ROBO1: variants seen among roughly 807,000 people sequenced by gnomAD.
ROBO1 encodes the protein roundabout guidance receptor 1, also known as roundabout homolog 1.
ROBO1 carries 149 observed loss-of-function variants against 195.9 expected under a neutral mutation model. That is an observed-to-expected ratio of 0.76 (90% CI 0.67 to 0.87). The LOEUF is 0.87. Among genes scored for constraint, ROBO1 ranks in the 40% least tolerant of loss-of-function variants. The pLI is 0.00. For missense variants in ROBO1, 1,933 were observed against 2,068.3 expected (o/e 0.93, Z 1.27); for synonymous variants, 816 against 733.2 (o/e 1.11, Z -1.82).
At chr3:79,202,493 A>G (rs2081785063) in intron 2 of ROBO1, among the ~76,000 whole-genome samples, 1 of 152,050 alleles carries the variant, frequency 6.6e-6, no homozygotes, top group African/African-American at 2.4e-5. Context: ...GCGATCGTGA[A>G]CAAACTGCCC....
chr3:79,486,943 C>G (rs544939604), intron 2 of ROBO1, among the ~76,000 whole-genome samples: 8 of 152,278 alleles, frequency 5.3e-5, no homozygotes, highest in African/African-American at 1.9e-4. Flanking sequence ...GGAGACAGTA[C>G]CTGAGGGATC....
chr3:78,786,588 A>C (rs4681011), intron 4 of ROBO1, among the ~76,000 whole-genome samples: 93,517 of 151,854 alleles, frequency 0.62, 29,512 homozygotes, highest in South Asian at 0.77. Flanking sequence ...GTAGGAGGTA[A>C]TTACATCATG....
chr3:79,526,418 G>A (rs973120016), intron 2 of ROBO1: 2 of 152,170 alleles, frequency 1.3e-5, no homozygotes, highest in East Asian at 1.9e-4. Flanking sequence ...CCTGAATTGA[G>A]TGCAATTATT....
chr3:79,173,940 A>AT (rs534464099), intron 2 of ROBO1, among the ~76,000 whole-genome samples: 17 of 152,222 alleles, frequency 1.1e-4, no homozygotes, highest in African/African-American at 4.1e-4. Context: ...GACACTCTGT[A>AT]TCTAGCTACT....
chr3:78,931,236 C>CTTTTTTTTTTTTTTTTTTT (rs71127369), intron 4 of ROBO1, among the ~76,000 whole-genome samples: 40 of 79,220 alleles, frequency 5.0e-4, no homozygotes, highest in South Asian at 1.2e-3. Context: ...TTCTTTCTTT[C>CTTTTTTTTTTTTTTTTTTT]TTTTTTTTTT....
intron 4 of ROBO1, chr3:78,938,008 T>TGA (rs113158638): frequency 0.042 from 6,375 of 152,112 alleles, 252 homozygotes; most frequent in African/African-American, 0.11. Flanking sequence ...TGTGTGTGTG[T>TGA]GTGTGTGTGT....
intron 2 of ROBO1, among the ~76,000 whole-genome samples, chr3:79,405,003 T>G (rs940494535): frequency 6.6e-6 from 1 of 152,138 alleles, no homozygotes; most frequent in Non-Finnish European, 1.5e-5. Flanking sequence ...AGCTATTCTT[T>G]CTTGCCTTGA....
At chr3:79,548,270 T>C (rs972975428) in intron 2 of ROBO1, among the ~76,000 whole-genome samples, 1 of 152,212 alleles carries the variant, frequency 6.6e-6, no homozygotes, top group Non-Finnish European at 1.5e-5. Context: ...GGTATATCAT[T>C]GATCCTTTTG....
intron 3 of ROBO1, among the ~76,000 whole-genome samples, chr3:79,111,773 T>C (rs2079891649): frequency 6.6e-6 from 1 of 152,184 alleles, no homozygotes; most frequent in African/African-American, 2.4e-5. Flanking sequence ...AGATACTGGA[T>C]ACAAGGGCTA....
intron 2 of ROBO1, among the ~76,000 whole-genome samples, chr3:79,564,331 A>G (rs866373021): frequency 1.3e-5 from 2 of 152,048 alleles, no homozygotes; most frequent in African/African-American, 4.8e-5. Context: ...AGTGCTGAGC[A>G]TGCTTCACTG....
chr3:79,366,494 C>A (rs917766976), intron 2 of ROBO1, among the ~76,000 whole-genome samples: 8 of 152,138 alleles, frequency 5.3e-5, no homozygotes, highest in Non-Finnish European at 1.2e-4. Context: ...ATAAAATTCA[C>A]AACTTCAGCT....
intron 2 of ROBO1, among the ~76,000 whole-genome samples, chr3:79,351,583 A>C (rs972641672): frequency 2.0e-5 from 3 of 152,136 alleles, no homozygotes; most frequent in African/African-American, 7.2e-5. Context: ...TAATTATTTT[A>C]TGATAATACT....
At chr3:79,300,555 C>A (rs571004717) in intron 2 of ROBO1, among the ~76,000 whole-genome samples, 1 of 152,202 alleles carries the variant, frequency 6.6e-6, no homozygotes, top group African/African-American at 2.4e-5. Flanking sequence ...CGCTGACCCC[C>A]GCTCCATGGC....
chr3:78,654,599 A>G (rs1221361410), intron 18 of ROBO1, among the ~76,000 whole-genome samples: 1 of 152,196 alleles, frequency 6.6e-6, no homozygotes, highest in East Asian at 1.9e-4. Context: ...GGTCCTATGC[A>G]AGCAACCAGA....
chr3:79,365,366 A>G (rs2035930693), intron 2 of ROBO1, among the ~76,000 whole-genome samples: 1 of 152,182 alleles, frequency 6.6e-6, no homozygotes, highest in Admixed American at 6.5e-5. Context: ...AGCAAGCTTA[A>G]CTTGGTCCTG....
chr3:79,028,705 G>A (rs1020059001), intron 3 of ROBO1, among the ~76,000 whole-genome samples: 1 of 151,960 alleles, frequency 6.6e-6, no homozygotes, highest in Non-Finnish European at 1.5e-5. Context: ...ATATGTAAGA[G>A]TAAGAAAGAT....
chr3:79,383,896 C>A (rs2036650882), intron 2 of ROBO1, among the ~76,000 whole-genome samples: 1 of 151,994 alleles, frequency 6.6e-6, no homozygotes, highest in African/African-American at 2.4e-5. Context: ...AGTAATCAAC[C>A]TTTGTAAAAC....
chr3:78,746,679 T>C, intron 5 of ROBO1, 64 bp downstream of exon 5: 1 of 1,287,990 alleles, frequency 7.8e-7, no homozygotes, highest in Non-Finnish European at 1.0e-6. Flanking sequence ...TTCTCTTTTT[T>C]CTTTGGTAAA....
intron 2 of ROBO1, among the ~76,000 whole-genome samples, chr3:79,487,405 C>T (rs1013673901): frequency 2.0e-5 from 3 of 152,052 alleles, no homozygotes; most frequent in Admixed American, 6.6e-5. Flanking sequence ...TTAGTAGAGA[C>T]GGTGTTTCAC....
Sources: gnomAD v4.1 joint callset for allele counts (sites outside exome capture counted in the v4.1 genomes callset) on GRCh38, gnomAD v4.1.1 for gene constraint, MANE v1.5 for transcripts, NCBI Gene and HGNC (gene_info 2026-07-23, HGNC 2026-07-21) for gene names.